Variants in ATG4D observed in about 807,000 individuals in gnomAD.
ATG4D encodes the protein cysteine protease ATG4D.
Under a neutral mutation model 55.2 loss-of-function variants are expected in ATG4D, and 51 were observed. The ratio of observed to expected loss-of-function variants is 0.92; its 90% CI spans 0.74 to 1.17. The LOEUF is 1.17. Among genes scored for constraint, ATG4D ranks in the 50% most tolerant of loss-of-function variants. The pLI is 0.00. For synonymous variants in ATG4D, 268 were observed against 266.2 expected, an observed-to-expected ratio of 1.01 and a Z score of -0.07; for missense variants, 635 against 649.6, an observed-to-expected ratio of 0.98 and a Z score of 0.25.
rs1916262024 is a variant in ATG4D at position 10,551,983 on chromosome 19, C to T, written c.1045+8C>T. ...ACTTCATTGGCTACCAAGGTAGGCC[C>T]ACCCCCTCCTCACTCCTCCCACCCC... On this transcript the variant is annotated splice_region_variant and intron_variant, in intron 7 of 9. Coordinates refer to ENST00000309469, the MANE Select transcript of ATG4D (RefSeq NM_032885.6). 2 of 1,603,744 alleles carry T rather than the reference C, an allele frequency of 1.2e-6. No individual in the cohort carries two copies. The highest frequency in any genetic ancestry group is 1.3e-5 in the African/African-American group (1 of 74,682).
In ATG4D at chr19:10,547,290, C is replaced by T. The variant is rs1335760980; in HGVS notation, c.835+37C>T. On this transcript the variant is annotated intron_variant, in intron 5 of 9. Transcript: ENST00000309469. ...GGAGCCAAGATCACAGGGGCCCCAC[C>T]CTGAGCCAGACTCTGCCTTACCCGA... The T allele has an allele frequency of 2.5e-6, 4 of 1,602,994 alleles. No individual in the cohort carries two copies. In the South Asian group the frequency reaches 4.4e-5, roughly 18 times the overall value.
chr19:10,544,013 A>G lies in ATG4D; in HGVS notation c.-78A>G. On this transcript the variant is annotated 5_prime_UTR_variant, in exon 1 of 10. Coordinates refer to ENST00000309469, the MANE Select transcript of ATG4D (RefSeq NM_032885.6). The stretch of plus-strand genomic sequence containing the variant: ...GTAGCGCCTTCCCCGGGCCCCGTGA[A>G]CCGGCTGCGGGTCGCCCTTGGGGGG... The G allele has an allele frequency of 9.6e-7, 1 of 1,041,500 alleles. No individual in the cohort carries two copies. Among genetic ancestry groups the G allele is most frequent in the Non-Finnish European group, 1.2e-6 (1 of 817,584 alleles). 64.5% of individuals were successfully genotyped at this position (1,041,500 alleles called of 1,614,324 possible).
chr19:10,549,295 G>C (rs11668544), intron 6 of ATG4D, among the ~76,000 whole-genome samples: 4,031 of 151,884 alleles, frequency 0.027, 67 homozygotes, highest in Non-Finnish European at 0.044. Flanking sequence ...ACCTAATTTT[G>C]TACTTTTAGT....
rs1167369943 is a variant in ATG4D, at chr19:10,544,638, G to A, written c.236-145G>A. On this transcript the variant is annotated intron_variant, in intron 1 of 9. Transcript: ENST00000309469. ...GTGGACACTCCTGTAGCTGTCACTG[G>A]GGGCCCCACCTCCGACGGAATCCCC... 4 of 1,461,904 alleles carry A rather than the reference G, an allele frequency of 2.7e-6. No homozygotes were observed. The East Asian group carries it at 9.8e-5, about 36-fold the overall frequency. The allele number at this position is 1,461,904 out of a possible 1,614,324, so 90.6% of individuals were successfully genotyped here.
intron 3 of ATG4D, among the ~76,000 whole-genome samples, chr19:10,546,489 G>A (rs1002924446): frequency 4.0e-5 from 6 of 151,256 alleles, no homozygotes; most frequent in African/African-American, 1.5e-4. Flanking sequence ...GGGATTACAG[G>A]TGCCCGCCAC....
chr19:10,549,047 G>C lies in ATG4D; in HGVS notation c.966+13G>C. On this transcript the variant is annotated intron_variant, in intron 6 of 9. Coordinates refer to ENST00000309469, the MANE Select transcript of ATG4D (RefSeq NM_032885.6). Reference sequence around the variant, plus strand: ...GCCCTGCGTGAAGGTAGGTTCAGCTGAATTCTAGGACACCTCCACCTGGGA... The same window carrying C: ...GCCCTGCGTGAAGGTAGGTTCAGCTCAATTCTAGGACACCTCCACCTGGGA... 6.2e-7 allele frequency: 1 copy of C among 1,613,948 alleles called. No individual in the cohort carries two copies. Among genetic ancestry groups the C allele is most frequent in the Non-Finnish European group, 8.5e-7 (1 of 1,179,918 alleles).
In ATG4D at chr19:10,552,184, TTCC is replaced by T. The variant is rs1416714940; in HGVS notation, c.1123-18_1123-16del. Reference sequence around the variant, plus strand: ...GGGTGGGCAGCCCAGCCTCTGAGCCTTCCTCGTCTGTCTGCCCCAGTCCTTCCA... The same window carrying T: ...GGGTGGGCAGCCCAGCCTCTGAGCCTTCGTCTGTCTGCCCCAGTCCTTCCA... On this transcript the variant is annotated intron_variant, in intron 8 of 9. Coordinates refer to ENST00000309469, the MANE Select transcript of ATG4D (RefSeq NM_032885.6). 1.9e-6 allele frequency: 3 copies of T among 1,610,960 alleles called. No individual in the cohort carries two copies. Among genetic ancestry groups the T allele is most frequent in the African/African-American group, 2.7e-5 (2 of 74,866 alleles).
Position 10,551,909 on chromosome 19 carries a change from T to C in ATG4D, c.979T>C (p.Cys327Arg), listed in dbSNP as rs1298672547. The C allele has an allele frequency of 1.2e-6, 2 of 1,613,968 alleles. No homozygotes were observed. The highest frequency in any genetic ancestry group is 8.5e-7 in the Non-Finnish European group (1 of 1,180,000). ...YVPCVKELLR[C>R]ELCLGIMGGK... ...CTCCTCCCTGCAGGAACTCCTGCGT[T>C]GCGAGCTGTGCCTGGGCATCATGGG... The change falls in exon 7 of 10, where the codon TGC (cysteine) becomes CGC (arginine). Residue 327 changes from cysteine to arginine, a missense_variant. By Grantham distance (180) the Cys-to-Arg change is radical. Coordinates refer to ENST00000309469, the MANE Select transcript of ATG4D (RefSeq NM_032885.6).
In ATG4D at chr19:10,548,954, G is replaced by T. The variant is rs752546576; in HGVS notation, c.886G>T (p.Glu296Ter). 1 of 1,614,098 alleles carries T rather than the reference G, an allele frequency of 6.2e-7. No individual in the cohort carries two copies. The change falls in exon 6 of 10, where the codon GAG becomes TAG. Residue 296 changes from glutamate to a stop codon, truncating the protein, a stop_gained. Transcript: ENST00000309469. LOFTEE classifies it high-confidence loss of function. ...GGTGGCCAGGCCAGACCCCACAGCC[G>T]AGTGGAAGTCTGTGGTCATCCTGGT... is the stretch of plus-strand genomic sequence containing the variant. The part of the protein sequence containing the change: ...RLVARPDPTA[E>*]WKSVVILVPV...
chr19:10,552,303 A>G lies in ATG4D; in HGVS notation c.1221A>G (p.Thr407=), dbSNP rs369078960. The part of the protein sequence containing the change: ...FYAGDRKEFE[T]LCSELTRVLS... ...CTGGAGACAGGAAGGAGTTTGAGAC[A>G]CTCTGCTCAGAGCTGACCAGGGTGA... Residue 407 remains threonine (T), a synonymous_variant, in exon 9 of 10, where the codon ACA becomes ACG. Coordinates refer to ENST00000309469, the MANE Select transcript of ATG4D (RefSeq NM_032885.6). 6.2e-7 allele frequency: 1 copy of G among 1,612,602 alleles called. No homozygotes were observed. The highest frequency in any genetic ancestry group is 8.5e-7 in the Non-Finnish European group (1 of 1,179,908).
rs1170945116 is a variant in ATG4D, at chr19:10,544,806, A to G, written c.259A>G (p.Ser87Gly). 1 of 1,614,126 alleles carries G rather than the reference A, an allele frequency of 6.2e-7. No individual in the cohort carries two copies. Among genetic ancestry groups the G allele is most frequent in the Non-Finnish European group, 8.5e-7 (1 of 1,179,986 alleles). Residue 87 changes from serine (S) to glycine (G), a missense_variant, in exon 2 of 10, where the codon AGC (serine) becomes GGC (glycine). Transcript: ENST00000309469. The part of the protein sequence containing the change: ...KYGWVVKSRT[S>G]FSKISSIHLC... ...AGGTTGGGTGGTTAAAAGCCGGACC[A>G]GCTTTAGCAAGATCTCCAGCATCCA...
At chr19:10,546,286 T>C (rs766272657) in intron 3 of ATG4D, among the ~76,000 whole-genome samples, 3 of 152,162 alleles carry the variant, frequency 2.0e-5, no homozygotes, top group Admixed American at 6.6e-5. Context: ...ATTGTGCCAC[T>C]GCACTCCAGT....
At chr19:10,546,489 G>T (rs1002924446) in intron 3 of ATG4D, among the ~76,000 whole-genome samples, 4 of 151,256 alleles carry the variant, frequency 2.6e-5, no homozygotes, top group African/African-American at 7.3e-5. Context: ...GGGATTACAG[G>T]TGCCCGCCAC....
chr19:10,546,781 A>G (rs1916041973), intron 3 of ATG4D, 58 bp from the exon 4 acceptor site: 2 of 1,499,526 alleles, frequency 1.3e-6, no homozygotes, highest in Admixed American at 2.2e-5. Context: ...GCATGTGTAG[A>G]TGGGACCTCT....
At position 10,552,474 on chromosome 19, in the gene ATG4D, C is replaced by T. The variant is rs1599525522; in HGVS notation, c.1242+150C>T. 6.9e-6 allele frequency: 8 copies of T among 1,160,786 alleles called. No homozygotes were observed. The East Asian group carries it at 2.1e-4, about 30-fold the overall frequency. 71.9% of individuals were successfully genotyped at this position (1,160,786 alleles called of 1,614,324 possible). ...TGGGAAATGTGAAGAATGTCCACCC[C>T]TGAAAAGGTGGGAACGCCAAAGCCC... On this transcript the variant is annotated intron_variant, in intron 9 of 9. Transcript: ENST00000309469.
In ATG4D at chr19:10,551,920, C is replaced by A. The variant is rs372453420; in HGVS notation, c.990C>A (p.Cys330Ter). 3 of 1,613,876 alleles carry A rather than the reference C, an allele frequency of 1.9e-6. No homozygotes were observed. The highest frequency in any genetic ancestry group is 2.5e-6 in the Non-Finnish European group (3 of 1,180,012). ...AGGAACTCCTGCGTTGCGAGCTGTG[C>A]CTGGGCATCATGGGTGGGAAACCGC... ...CVKELLRCEL[C>*]LGIMGGKPRH... Residue 330 changes from cysteine to a stop codon, truncating the protein, a stop_gained, in exon 7 of 10, where the codon TGC becomes TGA. Transcript: ENST00000309469. LOFTEE classifies it high-confidence loss of function.
chr19:10,544,490 G>A (rs1915967932), intron 1 of ATG4D, among the ~76,000 whole-genome samples, 165 bp downstream of exon 1: 1 of 152,142 alleles, frequency 6.6e-6, no homozygotes, highest in Non-Finnish European at 1.5e-5. Flanking sequence ...GTGTTTTCAA[G>A]CCCCGCCCAT....
chr19:10,552,350 G>A (rs1262043191), intron 9 of ATG4D, 26 bp downstream of exon 9: 2 of 1,601,128 alleles, frequency 1.2e-6, no homozygotes, highest in Admixed American at 1.7e-5. Flanking sequence ...GCTGGAGTGG[G>A]GTGAGGGGGG....
intron 5 of ATG4D, among the ~76,000 whole-genome samples, chr19:10,548,542 G>C (rs1057449350): frequency 3.0e-4 from 45 of 152,092 alleles, no homozygotes; most frequent in African/African-American, 1.1e-3. Flanking sequence ...GGGGCTGAGT[G>C]CCCAGTGCTC....
Sources: allele counts gnomAD v4.1 joint callset (sites outside exome capture counted in the v4.1 genomes callset), GRCh38; gene constraint gnomAD v4.1.1; transcripts MANE v1.5; gene names NCBI Gene and HGNC (gene_info 2026-07-23, HGNC 2026-07-21).